EPHA5: variants seen among roughly 807,000 people sequenced by gnomAD.
EPHA5 encodes the protein EPH receptor A5.
A neutral mutation model predicts 105.0 loss-of-function variants in EPHA5; 60 were observed. The ratio of observed to expected loss-of-function variants is 0.57; its 90% CI spans 0.46 to 0.71. The LOEUF is 0.71. Ranked by LOEUF, EPHA5 falls within the 30% of genes least tolerant of loss-of-function variation. The probability of loss-of-function intolerance (pLI) is 0.00; values close to 1 mark genes in which losing one functional copy is unlikely to be tolerated. For synonymous variants in EPHA5, 513 were observed against 449.1 expected, an observed-to-expected ratio of 1.14 and a Z score of -1.80; for missense variants, 1,218 against 1,274.7, an observed-to-expected ratio of 0.96 and a Z score of 0.68.
At chr4:65,529,748 A>G (rs990133024) in intron 3 of EPHA5, among the ~76,000 whole-genome samples, 10 of 152,142 alleles carry the variant, frequency 6.6e-5, no homozygotes, top group Non-Finnish European at 1.5e-4. Flanking sequence ...CTCTTGCTCT[A>G]TTACTATATA....
rs1305323772 is a variant in EPHA5, at chr4:65,376,396, T to G, written c.1794-8972A>C. Among the ~76,000 whole-genome samples, 3 of 152,058 alleles carry G rather than the reference T, an allele frequency of 2.0e-5. No homozygotes were observed. In the East Asian group the frequency reaches 5.8e-4, roughly 29 times the overall value. On this transcript the variant is annotated intron_variant, in intron 8 of 16. Transcript: ENST00000613740. ...TTTAGGATTTGTATTTATAAATAAT[T>G]AAGAGTATGCCATTTGGGCACTGAC...
chr4:65,598,981 G>T (rs1246170298), intron 3 of EPHA5, among the ~76,000 whole-genome samples: 2 of 151,902 alleles, frequency 1.3e-5, no homozygotes, highest in Non-Finnish European at 2.9e-5. Flanking sequence ...AGGTTTCAGG[G>T]GTAGGATGGA....
chr4:65,367,539 T>A, intron 8 of EPHA5, 115 bp from the exon 9 acceptor site: 1 of 909,818 alleles, frequency 1.1e-6, no homozygotes, highest in Non-Finnish European at 1.7e-6. Flanking sequence ...ATTTTCATAC[T>A]AGTAGTTTGG....
chr4:65,582,255 G>A (rs541066405), intron 3 of EPHA5, among the ~76,000 whole-genome samples: 69 of 151,596 alleles, frequency 4.6e-4, no homozygotes, highest in Middle Eastern at 6.8e-3. Context: ...TTTTCAAGAC[G>A]CCACAATTCT....
chr4:65,520,028 T>C (rs1734524138), intron 3 of EPHA5, among the ~76,000 whole-genome samples: 1 of 152,124 alleles, frequency 6.6e-6, no homozygotes, highest in Non-Finnish European at 1.5e-5. Context: ...AAAAAACTAC[T>C]TTAAAGTTCA....
chr4:65,642,002 A>G (rs184330218), intron 2 of EPHA5, among the ~76,000 whole-genome samples: 8 of 152,224 alleles, frequency 5.3e-5, no homozygotes, highest in Admixed American at 4.6e-4. Flanking sequence ...AGCAACTACA[A>G]CACCATACGT....
At chr4:65,367,177 G>A (rs1717988567) in intron 9 of EPHA5, among the ~76,000 whole-genome samples, 180 bp downstream of exon 9, 2 of 150,298 alleles carry the variant, frequency 1.3e-5, no homozygotes, top group South Asian at 4.2e-4. Flanking sequence ...ATTGCCTAAA[G>A]CCTTCCAGAA....
At chr4:65,343,913 T>C (rs1163987553) in intron 14 of EPHA5, among the ~76,000 whole-genome samples, 1 of 152,138 alleles carries the variant, frequency 6.6e-6, no homozygotes, top group East Asian at 1.9e-4. Flanking sequence ...AGTGTTTTTC[T>C]AAGTAATTTG....
At chr4:65,622,569 A>C (rs2149478091) in intron 2 of EPHA5, among the ~76,000 whole-genome samples, 1 of 152,254 alleles carries the variant, frequency 6.6e-6, no homozygotes, top group Admixed American at 6.5e-5. Flanking sequence ...ATTTCACAAA[A>C]CCAAATTTGT....
intron 1 of EPHA5, among the ~76,000 whole-genome samples, chr4:65,653,588 G>A (rs574981624): frequency 6.6e-6 from 1 of 151,788 alleles, no homozygotes; most frequent in African/African-American, 2.4e-5. Flanking sequence ...AAATACAATG[G>A]TTTATATATC....
At chr4:65,452,523 T>A (rs536382879) in intron 5 of EPHA5, among the ~76,000 whole-genome samples, 1 of 151,260 alleles carries the variant, frequency 6.6e-6, no homozygotes, top group South Asian at 2.1e-4. Context: ...AAACTTGTGA[T>A]GGAGACTGAT....
chr4:65,399,673 G>A (rs1721617725), intron 8 of EPHA5, among the ~76,000 whole-genome samples: 1 of 152,200 alleles, frequency 6.6e-6, no homozygotes, highest in Admixed American at 6.5e-5. Flanking sequence ...TGCAAACAAG[G>A]GTGGAAAAGT....
intron 3 of EPHA5, among the ~76,000 whole-genome samples, chr4:65,561,748 A>G (rs771574488): frequency 5.9e-5 from 9 of 152,136 alleles, no homozygotes; most frequent in Non-Finnish European, 1.3e-4. Flanking sequence ...TCTGTGGTAT[A>G]TTTCTTGGAA....
intron 1 of EPHA5, among the ~76,000 whole-genome samples, chr4:65,661,320 C>G (rs992703198): frequency 6.6e-6 from 1 of 152,054 alleles, no homozygotes; most frequent in African/African-American, 2.4e-5. Flanking sequence ...AATTCTTTCC[C>G]TACTTTGTTT....
chr4:65,611,642 T>A (rs1203769849), intron 2 of EPHA5, among the ~76,000 whole-genome samples: 2 of 152,124 alleles, frequency 1.3e-5, no homozygotes, highest in Admixed American at 6.5e-5. Context: ...TCTGTTCTTT[T>A]TTCAGTCCTC....
chr4:65,550,124 A>T (rs1423016040), intron 3 of EPHA5, among the ~76,000 whole-genome samples: 1 of 151,958 alleles, frequency 6.6e-6, no homozygotes, highest in Non-Finnish European at 1.5e-5. Flanking sequence ...TTGTTAAATA[A>T]TATTAGTAAT....
intron 5 of EPHA5, among the ~76,000 whole-genome samples, chr4:65,487,905 G>T (rs1369899932): frequency 6.6e-6 from 1 of 152,128 alleles, no homozygotes; most frequent in African/African-American, 2.4e-5. Context: ...AGAAACCATT[G>T]GGTGGTTACA....
chr4:65,570,089 T>C (rs921743931), intron 3 of EPHA5, among the ~76,000 whole-genome samples: 1 of 151,748 alleles, frequency 6.6e-6, no homozygotes, highest in Non-Finnish European at 1.5e-5. Flanking sequence ...GCTAGATCAC[T>C]GGGCAACTTA....
At chr4:65,471,243 T>C (rs1372903513) in intron 5 of EPHA5, among the ~76,000 whole-genome samples, 1 of 152,200 alleles carries the variant, frequency 6.6e-6, no homozygotes. Flanking sequence ...ATAAATCTCA[T>C]AAACAAGGGC....
Sources: gnomAD v4.1 joint callset for allele counts (sites outside exome capture counted in the v4.1 genomes callset) on GRCh38, gnomAD v4.1.1 for gene constraint, MANE v1.5 for transcripts, NCBI Gene and HGNC (gene_info 2026-07-23, HGNC 2026-07-21) for gene names.